The following XKR9 variants were observed in gnomAD, a reference collection of about 807,000 sequenced individuals.
XKR9 encodes XK-related protein 9.
XKR9 carries 32 observed loss-of-function variants against 32.0 expected under a neutral mutation model. The ratio of observed to expected loss-of-function variants is 1.00; its 90% CI spans 0.76 to 1.34. The LOEUF (loss-of-function observed/expected upper bound fraction) is 1.34, where lower values mean the gene tolerates loss of function less well. Ranked by LOEUF, XKR9 falls within the 40% of genes most tolerant of loss-of-function variation. The probability of loss-of-function intolerance (pLI) is 0.00; values close to 1 mark genes in which losing one functional copy is unlikely to be tolerated. For synonymous variants in XKR9, 168 were observed against 143.4 expected (o/e 1.17, Z -1.22); for missense variants, 546 against 429.7 (o/e 1.27, Z -2.39).
chr8:70,910,476 A>C, the XKR9 span, among the ~76,000 whole-genome samples: 1 of 152,316 alleles, frequency 6.6e-6, no homozygotes, highest in Admixed American at 6.5e-5. Flanking sequence ...ATTCTTAAAA[A>C]AATTAAGTTC....
At chr8:70,809,766 G>C in the XKR9 span, among the ~76,000 whole-genome samples, 1 of 152,158 alleles carries the variant, frequency 6.6e-6, no homozygotes, top group African/African-American at 2.4e-5. Flanking sequence ...AAGAAACAAA[G>C]CCTCCAAGAA....
rs73282976 is a variant in XKR9, at chr8:70,785,145, T to C, written n.353-4194T>C. ...GTGAAGTCATCAGGTCCTAGGCTTT[T>C]CTTTGATGGGAGACTTTTTATTACT... On this transcript the variant is annotated intron_variant and non_coding_transcript_variant, in intron 2 of 3. Coordinates refer to the XKR9 transcript ENST00000520273. 3.7e-3 allele frequency among the ~76,000 whole-genome samples: 560 copies of C among 152,146 alleles called. 3 individuals are homozygous for C. The highest frequency in any genetic ancestry group is 0.013 in the African/African-American group (539 of 41,560).
At chr8:70,890,680 T>C in the XKR9 span, among the ~76,000 whole-genome samples, 40 of 152,034 alleles carry the variant, frequency 2.6e-4, no homozygotes, top group African/African-American at 1.9e-4. Flanking sequence ...ATGATCTTTT[T>C]AATGTGTCAC....
chr8:70,939,842 G>A, the XKR9 span, among the ~76,000 whole-genome samples: 3 of 151,994 alleles, frequency 2.0e-5, no homozygotes, highest in Admixed American at 6.6e-5. Context: ...ACAACATTAA[G>A]AACAAAAACA....
chr8:70,921,288 C>G, the XKR9 span, among the ~76,000 whole-genome samples: 1 of 152,178 alleles, frequency 6.6e-6, no homozygotes, highest in African/African-American at 2.4e-5. Flanking sequence ...CTGTGGAGGC[C>G]TCTGCAATGT....
At chr8:70,859,674 C>T in the XKR9 span, among the ~76,000 whole-genome samples, 1 of 152,002 alleles carries the variant, frequency 6.6e-6, no homozygotes, top group African/African-American at 2.4e-5. Context: ...GAGTGGAATC[C>T]TGTTATTTGC....
the XKR9 span, among the ~76,000 whole-genome samples, chr8:70,953,389 G>C: frequency 6.6e-6 from 1 of 152,318 alleles, no homozygotes; most frequent in Non-Finnish European, 1.5e-5. Context: ...ACTGCTCACT[G>C]TAGCCTCAAC....
chr8:70,948,761 C>G, the XKR9 span, among the ~76,000 whole-genome samples: 1 of 152,178 alleles, frequency 6.6e-6, no homozygotes, highest in Non-Finnish European at 1.5e-5. Flanking sequence ...TATTAAAAAG[C>G]CATCTGGGTA....
At chr8:70,912,634 G>T in the XKR9 span, among the ~76,000 whole-genome samples, 2 of 152,048 alleles carry the variant, frequency 1.3e-5, no homozygotes. Context: ...TTTTCAACAG[G>T]CAATTGGATA....
chr8:70,955,365 A>G, the XKR9 span, among the ~76,000 whole-genome samples: 1 of 152,086 alleles, frequency 6.6e-6, no homozygotes, highest in Non-Finnish European at 1.5e-5. Flanking sequence ...TTATATACTG[A>G]CGATACCTTA....
chr8:70,743,036 C>T (rs1195913687), intron 2 of XKR9, among the ~76,000 whole-genome samples: 1 of 152,060 alleles, frequency 6.6e-6, no homozygotes, highest in Non-Finnish European at 1.5e-5. Context: ...TTGGAGTCCA[C>T]TTCCAAATGT....
intron 2 of XKR9, among the ~76,000 whole-genome samples, chr8:70,747,290 G>T (rs1807072094): frequency 6.6e-6 from 1 of 152,200 alleles, no homozygotes; most frequent in South Asian, 2.1e-4. Flanking sequence ...GTATTGCTGG[G>T]TTGAATGGTA....
At chr8:70,804,701 A>G in the XKR9 span, among the ~76,000 whole-genome samples, 2 of 152,222 alleles carry the variant, frequency 1.3e-5, no homozygotes, top group East Asian at 1.9e-4. Flanking sequence ...TTTAAATCTA[A>G]TATGTTTAAT....
At chr8:70,771,060 C>T (rs1807447703) in intron 2 of XKR9, among the ~76,000 whole-genome samples, 1 of 152,180 alleles carries the variant, frequency 6.6e-6, no homozygotes, top group South Asian at 2.1e-4. Context: ...CTGAGGGAAT[C>T]TCCTGTTCTG....
chr8:70,917,063 T>TAA, the XKR9 span, among the ~76,000 whole-genome samples: 1 of 152,176 alleles, frequency 6.6e-6, no homozygotes, highest in Admixed American at 6.5e-5. Context: ...ATGAACTGAC[T>TAA]GGTTCTCTTC....
chr8:71,008,363 T>A, the XKR9 span, among the ~76,000 whole-genome samples: 19 of 152,176 alleles, frequency 1.2e-4, no homozygotes, highest in Non-Finnish European at 5.9e-5. Flanking sequence ...TCTGATGAGG[T>A]AGTCATGACA....
chr8:71,033,446 C>G, the XKR9 span, among the ~76,000 whole-genome samples: 4 of 152,156 alleles, frequency 2.6e-5, no homozygotes, highest in African/African-American at 9.7e-5. Context: ...TAGTAGTGCT[C>G]TCATCACTGC....
At chr8:70,949,707 A>G in the XKR9 span, among the ~76,000 whole-genome samples, 6 of 152,182 alleles carry the variant, frequency 3.9e-5, no homozygotes, top group South Asian at 1.2e-3. Context: ...GATGAGTCTC[A>G]GAGAGGGAGA....
the XKR9 span, among the ~76,000 whole-genome samples, chr8:70,897,987 A>G: frequency 6.6e-6 from 1 of 152,210 alleles, no homozygotes; most frequent in Non-Finnish European, 1.5e-5. Flanking sequence ...ATCTTTGCCC[A>G]CTTCAATGTC....
Sources: gnomAD v4.1 joint callset for allele counts (sites outside exome capture counted in the v4.1 genomes callset) on GRCh38, gnomAD v4.1.1 for gene constraint, MANE v1.5 for transcripts, NCBI Gene and HGNC (gene_info 2026-07-23, HGNC 2026-07-21) for gene names.